The following PCDHGA5 variants were observed in gnomAD, a reference collection of about 807,000 sequenced individuals.
PCDHGA5 encodes the protein protocadherin gamma-A5.
A neutral mutation model predicts 56.7 loss-of-function variants in PCDHGA5; 36 were observed. The observed-to-expected ratio is 0.64, with a 90% CI of 0.49 to 0.84. The LOEUF is 0.84. PCDHGA5 is among the 40% of genes least tolerant of loss of function. The probability of loss-of-function intolerance (pLI) is 0.00; values close to 1 mark genes in which losing one functional copy is unlikely to be tolerated. For synonymous variants in PCDHGA5, 563 were observed against 520.2 expected (o/e 1.08, Z -1.12); for missense variants, 1,305 against 1,201.5 (o/e 1.09, Z -1.27).
intron 1 of PCDHGA5, chr5:141,376,960 T>C (rs1773581564): frequency 6.1e-6 from 1 of 162,766 alleles, no homozygotes; most frequent in Admixed American, 5.9e-5. Context: ...GTGCTGGGAT[T>C]ACAGGCGTGA....
At chr5:141,370,997 C>G in intron 1 of PCDHGA5, 5 of 1,613,984 alleles carry the variant, frequency 3.1e-6, no homozygotes, top group Non-Finnish European at 4.2e-6. Context: ...CACCCCTGGA[C>G]AGGGAAGAGC....
At chr5:141,446,697 C>T (rs1254994356) in intron 1 of PCDHGA5, among the ~76,000 whole-genome samples, 9 of 152,134 alleles carry the variant, frequency 5.9e-5, no homozygotes, top group Admixed American at 5.9e-4. Context: ...AGGCTGGTCT[C>T]GAACTCTGAT....
chr5:141,390,101 CA>C (rs1212774339), intron 1 of PCDHGA5: 8 of 1,613,946 alleles, frequency 5.0e-6, no homozygotes, highest in Non-Finnish European at 6.8e-6. Flanking sequence ...TGGTTCCCCC[CA>C]ACTACAGCGA....
rs755884627 is a variant in PCDHGA5, at chr5:141,364,769, G to C, written c.439G>C (p.Ala147Pro). The C allele has an allele frequency of 6.2e-7, 1 of 1,614,012 alleles. No individual in the cohort carries two copies. Among genetic ancestry groups the C allele is most frequent in the South Asian group, 1.1e-5 (1 of 91,088 alleles). The stretch of plus-strand genomic sequence containing the variant: ...AAAAGTAAAAGTTAATGAAAATGCG[G>C]CTGCAGGGACACGGTTAGTGCTTCC... ...ELKVKVNENA[A>P]AGTRLVLPFA... The change falls in exon 1 of 4, where the codon GCT (alanine) becomes CCT (proline). Residue 147 changes from alanine (A) to proline (P), a missense_variant. Physicochemically the swap from Ala to Pro is conservative, Grantham distance 27. Coordinates refer to ENST00000518069, the MANE Select transcript of PCDHGA5 (RefSeq NM_018918.3).
chr5:141,389,509 C>A, intron 1 of PCDHGA5: 2 of 1,613,118 alleles, frequency 1.2e-6, no homozygotes, highest in Non-Finnish European at 8.5e-7. Flanking sequence ...GCGCTCAGCG[C>A]GAACGTGAGC....
At position 141,399,393 on chromosome 5, in the gene PCDHGA5, C is replaced by G. The variant is rs762678347; in HGVS notation, c.2421+32642C>G. 28 of 1,613,976 alleles carry G rather than the reference C, an allele frequency of 1.7e-5. No homozygotes were observed. In the Middle Eastern group the frequency reaches 2.8e-3, roughly 162 times the overall value. ...ACAATGTCACCATCACAGCCACAGA[C>G]AGGGGCAAGCCGCCCCTCTCCTCCA... On this transcript the variant is annotated intron_variant, in intron 1 of 3. Transcript: ENST00000518069.
At chr5:141,415,274 C>T (rs775112066) in intron 1 of PCDHGA5, 19 of 1,614,086 alleles carry the variant, frequency 1.2e-5, no homozygotes, top group Admixed American at 1.0e-4. Context: ...CTGGTGGTAG[C>T]GGTGGCCGCG....
intron 1 of PCDHGA5, chr5:141,427,624 C>T (rs2097051687): frequency 1.4e-6 from 1 of 698,516 alleles, no homozygotes; most frequent in South Asian, 1.5e-5. Context: ...AACGACAATG[C>T]TCCGGTTTTC....
intron 1 of PCDHGA5, chr5:141,414,301 C>A (rs199806270): frequency 1.1e-5 from 18 of 1,613,280 alleles, no homozygotes; most frequent in Non-Finnish European, 1.7e-6. Flanking sequence ...TTTAAATGTG[C>A]ATGATTTAGA....
At chr5:141,387,282 A>C (rs578102496) in intron 1 of PCDHGA5, among the ~76,000 whole-genome samples, 59 of 152,340 alleles carry the variant, frequency 3.9e-4, no homozygotes, top group Admixed American at 2.0e-3. Context: ...CAATGAAAGA[A>C]AGATAAAATG....
chr5:141,408,313 T>C, intron 1 of PCDHGA5: 1 of 1,613,758 alleles, frequency 6.2e-7, no homozygotes, highest in South Asian at 1.1e-5. Context: ...GCTACTCGAT[T>C]CCGGAGGAGC....
In PCDHGA5 at chr5:141,432,122, G is replaced by C; in HGVS notation, c.2422-62685G>C. On this transcript the variant is annotated intron_variant, in intron 1 of 3. Transcript: ENST00000518069. This position sits in a 1 kb window ranked among gnomAD's most constrained non-coding sequence, Gnocchi z 6.0. ...CGACAACCCGCCGGTCTTCCCTCAG[G>C]CCTCCTATTCCGCTTATATCCCAGA... 6.2e-7 allele frequency: 1 copy of C among 1,614,052 alleles called. No homozygotes were observed. Among genetic ancestry groups the C allele is most frequent in the Non-Finnish European group, 8.5e-7 (1 of 1,180,022 alleles).
At chr5:141,438,633 TATACACACAC>T (rs1369232099) in intron 1 of PCDHGA5, among the ~76,000 whole-genome samples, 454 of 33,892 alleles carry the variant, frequency 0.013, 1 homozygote, top group Non-Finnish European at 0.019. Flanking sequence ...TATATATATA[TATACACACAC>T]ACACACACAT....
At chr5:141,402,456 C>T (rs1052745008) in intron 1 of PCDHGA5, among the ~76,000 whole-genome samples, 1 of 152,050 alleles carries the variant, frequency 6.6e-6, no homozygotes, top group African/African-American at 2.4e-5. Flanking sequence ...TAATAGTTTA[C>T]ATATCTAGAA....
At chr5:141,471,073 G>A (rs2099249169) in intron 1 of PCDHGA5, among the ~76,000 whole-genome samples, 2 of 143,298 alleles carry the variant, frequency 1.4e-5, no homozygotes, top group Non-Finnish European at 3.0e-5. Flanking sequence ...TTTTGAGACA[G>A]GGTCTCCCTC....
At chr5:141,371,340 A>G in intron 1 of PCDHGA5, 2 of 1,613,980 alleles carry the variant, frequency 1.2e-6, no homozygotes, top group Non-Finnish European at 1.7e-6. Flanking sequence ...AGATAGCTAC[A>G]CAATTGGGGT....
Position 141,375,230 on chromosome 5 carries a change from A to G in PCDHGA5, c.2421+8479A>G. ...AGACTCTGGCCTGAATGGCCTGGTA[A>G]CCTGTTCCATCCCGAGAAGTCTCCC... On this transcript the variant is annotated intron_variant, in intron 1 of 3. Coordinates refer to ENST00000518069, the MANE Select transcript of PCDHGA5 (RefSeq NM_018918.3). 2 of 1,613,988 alleles carry G rather than the reference A, an allele frequency of 1.2e-6. No individual in the cohort carries two copies. The highest frequency in any genetic ancestry group is 8.5e-7 in the Non-Finnish European group (1 of 1,179,900).
chr5:141,399,608 C>T (rs767025311), intron 1 of PCDHGA5: 3 of 1,613,962 alleles, frequency 1.9e-6, no homozygotes, highest in Non-Finnish European at 2.5e-6. Flanking sequence ...GACCTAGAGC[C>T]TCTGGCACTG....
intron 1 of PCDHGA5, among the ~76,000 whole-genome samples, chr5:141,454,831 A>C (rs1489772379): frequency 1.3e-5 from 1 of 78,366 alleles, no homozygotes; most frequent in African/African-American, 6.7e-5. Context: ...TTTTTGAGAC[A>C]GAGTCGCGCT....
Sources: allele counts gnomAD v4.1 joint callset (sites outside exome capture counted in the v4.1 genomes callset), GRCh38; gene constraint gnomAD v4.1.1; non-coding constraint Gnocchi (gnomAD v3.1); transcripts MANE v1.5; gene names NCBI Gene and HGNC (gene_info 2026-07-23, HGNC 2026-07-21).